CXCL12: variants seen among roughly 807,000 people sequenced by gnomAD.
CXCL12 encodes stromal cell-derived factor 1.
A neutral mutation model predicts 10.7 loss-of-function variants in CXCL12; 4 were observed. The observed-to-expected ratio is 0.37, with a 90% CI of 0.18 to 0.86. The LOEUF (loss-of-function observed/expected upper bound fraction) is 0.86. Among genes scored for constraint, CXCL12 ranks in the 40% least tolerant of loss-of-function variants. The probability of loss-of-function intolerance (pLI) is 0.43; values close to 1 mark genes in which losing one functional copy is unlikely to be tolerated. For synonymous variants in CXCL12, 54 were observed against 45.4 expected (o/e 1.19, Z -0.77); for missense variants, 122 against 110.4 (o/e 1.10, Z -0.47).
chr10:44,372,567 C>G (rs1839340207), downstream of CXCL12: 2 of 1,055,458 alleles, frequency 1.9e-6, no homozygotes, highest in East Asian at 4.0e-5. Context: ...TCAGGTAACA[C>G]AAGACATTTT....
intron 1 of CXCL12, among the ~76,000 whole-genome samples, chr10:44,384,529 T>C (rs549812960): frequency 6.6e-6 from 1 of 152,164 alleles, no homozygotes; most frequent in African/African-American, 2.4e-5. Flanking sequence ...CCTCCAGCAC[T>C]GTGCGCAGCA....
downstream of CXCL12, chr10:44,373,297 A>G (rs1007449715): frequency 1.9e-6 from 3 of 1,602,044 alleles, no homozygotes; most frequent in Admixed American, 3.4e-5. Flanking sequence ...CTGGGCTCCT[A>G]CTGTAAGGGT....
downstream of CXCL12, chr10:44,371,439 G>T (rs1257765538): frequency 5.1e-6 from 2 of 395,042 alleles, no homozygotes; most frequent in African/African-American, 2.1e-5. Context: ...AATTATACTG[G>T]TATAGTGAGA....
intron 1 of CXCL12, 114 bp downstream of exon 1, chr10:44,384,825 TCCACCC>T: frequency 1.0e-6 from 1 of 973,274 alleles, no homozygotes; most frequent in Non-Finnish European, 1.5e-6. Context: ...GCGAGCTGCC[TCCACCC>T]CCACTGTGTC....
chr10:44,372,656 G>A, downstream of CXCL12: 1 of 1,394,648 alleles, frequency 7.2e-7, no homozygotes, highest in East Asian at 2.6e-5. Context: ...GACAGTCGTG[G>A]ACACACATGA....
chr10:44,377,128 G>A lies in CXCL12; in HGVS notation c.*1505C>T, dbSNP rs915312920. ...AATAAATTCCCACATACAGTAGGAC[G>A]TTTATACCATGAAACAATTAGCATT... On this transcript the variant is annotated 3_prime_UTR_variant, in exon 3 of 3. Coordinates refer to ENST00000343575, the MANE Select transcript of CXCL12 (RefSeq NM_199168.4). 2.5e-5 allele frequency: 25 copies of A among 985,982 alleles called. No homozygotes were observed. In the African/African-American group the frequency reaches 3.7e-4, roughly 14 times the overall value. The allele number at this position is 985,982 out of a possible 1,614,324, so 61.1% of individuals were successfully genotyped here.
At chr10:44,381,842 C>G (rs756948968) in intron 1 of CXCL12, among the ~76,000 whole-genome samples, 5 of 152,040 alleles carry the variant, frequency 3.3e-5, no homozygotes, top group Non-Finnish European at 7.4e-5. Context: ...AAATATATGT[C>G]TAAGAATATT....
chr10:44,380,180 T>C (rs1455359598), intron 2 of CXCL12, among the ~76,000 whole-genome samples: 2 of 152,360 alleles, frequency 1.3e-5, no homozygotes, highest in Admixed American at 1.3e-4. Context: ...TCTTCCTGTC[T>C]TGTGGATGTG....
rs2132044257 is a variant in CXCL12 at position 44,378,547 on chromosome 10, C to CT, written c.*85_*86insA. Reference sequence around the variant, plus strand: ...CTGGTCCTCATGGTTAAGGCCCCCTCCCCCACGTCTTTGCCCTTTCATCTC... The same window carrying CT: ...CTGGTCCTCATGGTTAAGGCCCCCTCTCCCCACGTCTTTGCCCTTTCATCTC... On this transcript the variant is annotated 3_prime_UTR_variant, in exon 3 of 3. Coordinates refer to ENST00000343575, the MANE Select transcript of CXCL12 (RefSeq NM_199168.4). 3.7e-6 allele frequency: 6 copies of CT among 1,601,484 alleles called. No individual in the cohort carries two copies. The highest frequency in any genetic ancestry group is 3.4e-5 in the Admixed American group (2 of 58,936).
chr10:44,372,809 C>G, downstream of CXCL12: 2 of 1,472,524 alleles, frequency 1.4e-6, no homozygotes, highest in Non-Finnish European at 1.8e-6. Flanking sequence ...GAGGCAGACC[C>G]GGCTCCCATG....
intron 2 of CXCL12, 147 bp from the exon 3 acceptor site, chr10:44,378,870 G>C: frequency 1.3e-6 from 1 of 744,322 alleles, no homozygotes. Flanking sequence ...AGGTGCTCGC[G>C]GTGTGCTGGG....
downstream of CXCL12, chr10:44,373,246 G>A (rs1839360951): frequency 6.4e-7 from 1 of 1,568,704 alleles, no homozygotes; most frequent in East Asian, 2.4e-5. Flanking sequence ...GCCCTGGCAG[G>A]GGAGGCTGTG....
At chr10:44,375,303 G>A (rs1300371088), downstream of CXCL12, among the ~76,000 whole-genome samples, 10 of 152,338 alleles carry the variant, frequency 6.6e-5, no homozygotes, top group Admixed American at 4.6e-4. Flanking sequence ...TGGGGATAAA[G>A]CCACTCCCAC....
chr10:44,374,852 C>G (rs1839411723), downstream of CXCL12: 2 of 370,352 alleles, frequency 5.4e-6, no homozygotes, highest in Non-Finnish European at 1.1e-5. Context: ...TTCAACGCAT[C>G]CTTTTTCCGA....
At chr10:44,375,472 C>T (rs1023245560), downstream of CXCL12, among the ~76,000 whole-genome samples, 84 of 59,966 alleles carry the variant, frequency 1.4e-3, no homozygotes, top group Non-Finnish European at 2.7e-4. Context: ...CCCTTCCTGG[C>T]GAGGCCACCT....
Position 44,378,541 on chromosome 10 carries a change from C to T in CXCL12, c.*92G>A. 12 of 1,583,676 alleles carry T rather than the reference C, an allele frequency of 7.6e-6. No homozygotes were observed. Among genetic ancestry groups the T allele is most frequent in the Non-Finnish European group, 1.0e-5 (12 of 1,164,224 alleles). On this transcript the variant is annotated 3_prime_UTR_variant, in exon 3 of 3. Coordinates refer to ENST00000343575, the MANE Select transcript of CXCL12 (RefSeq NM_199168.4). ...ACACACCTGGTCCTCATGGTTAAGG[C>T]CCCCTCCCCCACGTCTTTGCCCTTT...
At chr10:44,383,494 ACT>A (rs1386218524) in intron 1 of CXCL12, among the ~76,000 whole-genome samples, 15 of 151,310 alleles carry the variant, frequency 9.9e-5, no homozygotes, top group South Asian at 4.2e-4. Context: ...AGAGCGGCGC[ACT>A]GTGACACCTC....
chr10:44,381,273 T>G (rs1182848012), intron 1 of CXCL12, among the ~76,000 whole-genome samples: 3 of 151,978 alleles, frequency 2.0e-5, no homozygotes, highest in African/African-American at 4.8e-5. Context: ...CTGAGAAAGA[T>G]CTCCCTACTC....
downstream of CXCL12, chr10:44,371,395 A>G (rs1477925373): frequency 1.1e-5 from 5 of 463,518 alleles, 1 homozygote; most frequent in South Asian, 7.8e-5. Context: ...AATATCTTGG[A>G]TTACCTGGAT....
Sources: allele counts gnomAD v4.1 joint callset (sites outside exome capture counted in the v4.1 genomes callset), GRCh38; gene constraint gnomAD v4.1.1; transcripts MANE v1.5; gene names NCBI Gene and HGNC (gene_info 2026-07-23, HGNC 2026-07-21).